The following SLC36A1 variants were observed in gnomAD, a reference collection of about 807,000 sequenced individuals.
SLC36A1 encodes the protein solute carrier family 36 member 1.
SLC36A1 carries 30 observed loss-of-function variants against 47.5 expected under a neutral mutation model. That is an observed-to-expected ratio of 0.63 (90% CI 0.47 to 0.86). The LOEUF is 0.86. Ranked by LOEUF, SLC36A1 falls within the 40% of genes least tolerant of loss-of-function variation. The pLI is 0.00. For synonymous variants in SLC36A1, 255 were observed against 249.7 expected (o/e 1.02, Z -0.20); for missense variants, 517 against 606.0 (o/e 0.85, Z 1.54).
chr5:151,502,085 G>T, the SLC36A1 span, among the ~76,000 whole-genome samples: 11 of 148,118 alleles, frequency 7.4e-5, no homozygotes, highest in Non-Finnish European at 1.2e-4. Context: ...GCGGAGGCGG[G>T]TGGATCACCT....
At chr5:151,414,129 A>G in the SLC36A1 span, among the ~76,000 whole-genome samples, 3 of 152,226 alleles carry the variant, frequency 2.0e-5, no homozygotes, top group Non-Finnish European at 2.9e-5. Context: ...AACTGTATTC[A>G]AGGAAAACTA....
the SLC36A1 span, chr5:151,543,240 TAGG>T: frequency 6.2e-7 from 1 of 1,614,200 alleles, no homozygotes; most frequent in Non-Finnish European, 8.5e-7. Context: ...CATCTTTAAC[TAGG>T]TCCTCTGGGT....
chr5:151,369,628 AC>A, the SLC36A1 span, among the ~76,000 whole-genome samples: 1 of 152,122 alleles, frequency 6.6e-6, no homozygotes, highest in African/African-American at 2.4e-5. Context: ...AGGCAGGCAC[AC>A]ACCACTATGA....
chr5:151,430,835 A>G, the SLC36A1 span, among the ~76,000 whole-genome samples: 8 of 152,324 alleles, frequency 5.3e-5, no homozygotes, highest in Admixed American at 3.3e-4. Context: ...GGACTAGATC[A>G]GTCTTGGCTC....
At chr5:151,531,588 T>C in the SLC36A1 span, 1 of 1,612,256 alleles carries the variant, frequency 6.2e-7, no homozygotes, top group African/African-American at 1.3e-5. The surrounding 1 kb of genome is among the most constrained non-coding windows in gnomAD (Gnocchi z 5.7). Context: ...GGCTCTCACC[T>C]GTGCGAGCAT....
chr5:151,416,391 G>A, the SLC36A1 span, among the ~76,000 whole-genome samples: 11 of 152,188 alleles, frequency 7.2e-5, no homozygotes, highest in Non-Finnish European at 1.0e-4. Flanking sequence ...AGAGCCAATA[G>A]AAGTGAGGAA....
At chr5:151,548,559 C>A in the SLC36A1 span, among the ~76,000 whole-genome samples, 5 of 152,250 alleles carry the variant, frequency 3.3e-5, no homozygotes, top group African/African-American at 1.2e-4. Flanking sequence ...CAGCTCACTG[C>A]AACCTCTGCC....
the SLC36A1 span, among the ~76,000 whole-genome samples, chr5:151,349,791 G>C: frequency 4.6e-5 from 7 of 152,142 alleles, no homozygotes; most frequent in Admixed American, 1.3e-4. Context: ...CTTTTAAAAC[G>C]TGGTGTGTAT....
chr5:151,455,468 C>CT (rs1483594209), intron 1 of SLC36A1, among the ~76,000 whole-genome samples: 1 of 152,052 alleles, frequency 6.6e-6, no homozygotes, highest in African/African-American at 2.4e-5. Flanking sequence ...CAATATTCTG[C>CT]TGTGGGTAAC....
upstream of SLC36A1, among the ~76,000 whole-genome samples, chr5:151,443,443 T>C (rs1752742707): frequency 6.6e-6 from 1 of 152,244 alleles, no homozygotes; most frequent in Admixed American, 6.5e-5. Context: ...CTTTTTCATA[T>C]GCTCACTGAG....
Position 151,467,938 on chromosome 5 carries a change from G to A in SLC36A1, c.723+13G>A. The A allele has an allele frequency of 1.9e-6, 3 of 1,607,200 alleles. No homozygotes were observed. Among genetic ancestry groups the A allele is most frequent in the Middle Eastern group, 1.7e-4 (1 of 6,038 alleles). ...GTTCATTGTTCAGGTACATGCCTAG[G>A]CCCTCTCCTATCATCTTGGTTCAAT... On this transcript the variant is annotated intron_variant, in intron 7 of 10. Coordinates refer to ENST00000243389, the MANE Select transcript of SLC36A1 (RefSeq NM_078483.4).
chr5:151,497,329 T>G (rs568365870), downstream of SLC36A1, among the ~76,000 whole-genome samples: 1 of 152,354 alleles, frequency 6.6e-6, no homozygotes, highest in East Asian at 1.9e-4. Context: ...CAAATGCTTT[T>G]TCTGTATCTG....
the SLC36A1 span, among the ~76,000 whole-genome samples, chr5:151,386,160 G>A: frequency 2.6e-5 from 4 of 152,022 alleles, no homozygotes; most frequent in Admixed American, 6.5e-5. Context: ...TTACAGGCAT[G>A]AGCCACCGCA....
the SLC36A1 span, among the ~76,000 whole-genome samples, chr5:151,514,300 C>T: frequency 2.0e-5 from 3 of 152,142 alleles, no homozygotes; most frequent in Admixed American, 6.6e-5. Context: ...TGTCTGGGAC[C>T]ACAAATCTGT....
the SLC36A1 span, chr5:151,380,293 T>C: frequency 3.8e-6 from 1 of 263,394 alleles, no homozygotes. Flanking sequence ...GAGACCAGCT[T>C]GGCCAACGTG....
At chr5:151,546,175 T>G in the SLC36A1 span, 1 of 1,614,176 alleles carries the variant, frequency 6.2e-7, no homozygotes, top group Admixed American at 1.7e-5. Context: ...ATCTGAGGGA[T>G]AGACATGAAT....
chr5:151,363,632 C>T, the SLC36A1 span, among the ~76,000 whole-genome samples: 1 of 152,202 alleles, frequency 6.6e-6, no homozygotes, highest in South Asian at 2.1e-4. Context: ...ATTTATTTAT[C>T]TTGAATTAAC....
the SLC36A1 span, among the ~76,000 whole-genome samples, chr5:151,555,228 T>C: frequency 3.5e-3 from 534 of 152,322 alleles, no homozygotes; most frequent in Non-Finnish European, 5.6e-3. Context: ...GACAGGAGAT[T>C]TCCACCTGAA....
intron 7 of SLC36A1, among the ~76,000 whole-genome samples, chr5:151,468,151 C>G (rs1756731605): frequency 6.8e-6 from 1 of 147,764 alleles, no homozygotes; most frequent in South Asian, 2.2e-4. Flanking sequence ...ATTTGGGAGG[C>G]TGAGGCAGGA....
Sources: allele counts gnomAD v4.1 joint callset (sites outside exome capture counted in the v4.1 genomes callset), GRCh38; gene constraint gnomAD v4.1.1; non-coding constraint Gnocchi (gnomAD v3.1); transcripts MANE v1.5; gene names NCBI Gene and HGNC (gene_info 2026-07-23, HGNC 2026-07-21).